The following NAV3 variants were observed in gnomAD, a reference collection of about 807,000 sequenced individuals.
NAV3 encodes pore membrane and/or filament interacting like protein 1.
NAV3 carries 87 observed loss-of-function variants against 244.7 expected under a neutral mutation model. That is an observed-to-expected ratio of 0.36 (90% CI 0.30 to 0.42). The LOEUF (loss-of-function observed/expected upper bound fraction) is 0.42, where lower values mean the gene tolerates loss of function less well. NAV3 is among the 20% of genes least tolerant of loss of function. The pLI is 1.00. For synonymous variants in NAV3, 1,126 were observed against 1,042.2 expected (o/e 1.08, Z -1.55); for missense variants, 2,663 against 2,893.3 (o/e 0.92, Z 1.83).
At chr12:78,143,581 C>T (rs1475014870) in intron 20 of NAV3, among the ~76,000 whole-genome samples, 19 of 139,410 alleles carry the variant, frequency 1.4e-4, no homozygotes, top group Admixed American at 1.6e-4. Context: ...CTGCAGTGAG[C>T]GCCACTGCAC....
intron 20 of NAV3, among the ~76,000 whole-genome samples, chr12:78,144,795 A>C (rs957895368): frequency 6.6e-6 from 1 of 151,584 alleles, no homozygotes; most frequent in African/African-American, 2.4e-5. Flanking sequence ...TAGGAAGCCT[A>C]GAAGCAGAAT....
intron 12 of NAV3, among the ~76,000 whole-genome samples, chr12:78,109,108 G>T (rs1189427032): frequency 6.6e-6 from 1 of 151,740 alleles, no homozygotes; most frequent in African/African-American, 2.4e-5. Context: ...AATCAAAAAC[G>T]ATAAAGGAGA....
chr12:77,778,440 G>A (rs1420080661), intron 2 of NAV3, among the ~76,000 whole-genome samples: 1 of 151,166 alleles, frequency 6.6e-6, no homozygotes, highest in Non-Finnish European at 1.5e-5. Flanking sequence ...GTGAAACCCC[G>A]TCTCTACTAA....
intron 5 of NAV3, among the ~76,000 whole-genome samples, chr12:77,978,655 A>T (rs1868950343): frequency 6.6e-6 from 1 of 151,978 alleles, no homozygotes; most frequent in Non-Finnish European, 1.5e-5. Context: ...CCTCATCTCA[A>T]TTTTTTGAGG....
chr12:77,617,675 G>T (rs1871195240), intron 2 of NAV3, among the ~76,000 whole-genome samples: 2 of 152,264 alleles, frequency 1.3e-5, no homozygotes, highest in South Asian at 4.1e-4. Flanking sequence ...GCTTTTAAGG[G>T]TATGGTGGAG....
intron 22 of NAV3, among the ~76,000 whole-genome samples, chr12:78,150,154 A>G (rs1326533834): frequency 6.6e-6 from 1 of 152,090 alleles, no homozygotes; most frequent in Non-Finnish European, 1.5e-5. Context: ...ACATGTATAG[A>G]AGTATGAAAT....
At chr12:78,130,437 T>A in intron 18 of NAV3, 2 of 218,344 alleles carry the variant, frequency 9.2e-6, no homozygotes, top group Middle Eastern at 1.2e-3. Context: ...TGCTCGGGAA[T>A]CCCCTGCTTT....
At chr12:77,833,802 A>C (rs1213823484) in intron 1 of NAV3, among the ~76,000 whole-genome samples, 1 of 152,120 alleles carries the variant, frequency 6.6e-6, no homozygotes, top group Non-Finnish European at 1.5e-5. Context: ...GGGAGCCATA[A>C]GGCGGAAAGG....
At chr12:78,096,308 T>A (rs927352076) in intron 12 of NAV3, among the ~76,000 whole-genome samples, 1 of 152,190 alleles carries the variant, frequency 6.6e-6, no homozygotes, top group Admixed American at 6.5e-5. Context: ...CAAGGCTTTA[T>A]ATCATTCATT....
intron 2 of NAV3, among the ~76,000 whole-genome samples, chr12:77,738,261 A>G (rs1868260758): frequency 6.6e-6 from 1 of 152,172 alleles, no homozygotes; most frequent in African/African-American, 2.4e-5. Context: ...AAATTTAATT[A>G]ATCAGTTAGT....
At chr12:77,673,083 G>A (rs919200559) in intron 2 of NAV3, among the ~76,000 whole-genome samples, 2 of 152,068 alleles carry the variant, frequency 1.3e-5, no homozygotes, top group African/African-American at 2.4e-5. Flanking sequence ...GTAATCAAGT[G>A]TATTTTGCTA....
At chr12:77,876,438 C>T (rs752398858) in intron 1 of NAV3, among the ~76,000 whole-genome samples, 16 of 152,142 alleles carry the variant, frequency 1.1e-4, no homozygotes, top group East Asian at 3.9e-4. Context: ...TGTTTCTTCA[C>T]GAATCAGTTC....
chr12:77,967,402 A>G (rs980834467), intron 4 of NAV3, among the ~76,000 whole-genome samples: 6 of 152,270 alleles, frequency 3.9e-5, no homozygotes, highest in Middle Eastern at 3.4e-3. Context: ...CAACTCTTCA[A>G]TATGACGAAA....
intron 2 of NAV3, among the ~76,000 whole-genome samples, chr12:77,762,596 C>T (rs569498101): frequency 5.3e-5 from 8 of 151,342 alleles, no homozygotes; most frequent in Middle Eastern, 3.4e-3. Flanking sequence ...AGTGAGACTC[C>T]GCCTCAAAAA....
intron 1 of NAV3, among the ~76,000 whole-genome samples, chr12:77,895,351 G>A (rs1305575740): frequency 6.9e-6 from 1 of 145,548 alleles, no homozygotes; most frequent in Non-Finnish European, 1.5e-5. Flanking sequence ...ATTTTGTGGG[G>A]AGGAGGAAGG....
At chr12:77,951,628 A>C (rs1435386063) in intron 3 of NAV3, among the ~76,000 whole-genome samples, 1 of 152,172 alleles carries the variant, frequency 6.6e-6, no homozygotes, top group Non-Finnish European at 1.5e-5. Flanking sequence ...ACGTATGTTC[A>C]TTGCGGCACT....
At chr12:78,208,106 T>C (rs1462657894) in intron 39 of NAV3, among the ~76,000 whole-genome samples, 1 of 152,162 alleles carries the variant, frequency 6.6e-6, no homozygotes, top group African/African-American at 2.4e-5. Context: ...TTGAAAAGTC[T>C]AGGATTGGGC....
At chr12:78,145,097 A>C (rs1489787111) in intron 20 of NAV3, 3 of 304,522 alleles carry the variant, frequency 9.9e-6, no homozygotes, top group African/African-American at 6.9e-5. Flanking sequence ...TCAAAAACCA[A>C]ACTGTGTATA....
rs569697620 is a variant in NAV3 at position 77,992,382 on chromosome 12, T to G, written c.672-2421T>G. On this transcript the variant is annotated intron_variant, in intron 5 of 39. Coordinates refer to ENST00000397909, the MANE Select transcript of NAV3 (RefSeq NM_001024383.2). Reference sequence around the variant, plus strand: ...ATATTTAATTAGTATGACTAGGTATTGATTTCTCCTCTGTAATAATTGAAA... The same window carrying G: ...ATATTTAATTAGTATGACTAGGTATGGATTTCTCCTCTGTAATAATTGAAA... 5.3e-5 allele frequency among the ~76,000 whole-genome samples: 8 copies of G among 152,352 alleles called. No individual in the cohort carries two copies. In the East Asian group the frequency reaches 1.3e-3, roughly 26 times the overall value.
Sources: allele counts gnomAD v4.1 joint callset (sites outside exome capture counted in the v4.1 genomes callset), GRCh38; gene constraint gnomAD v4.1.1; transcripts MANE v1.5; gene names NCBI Gene and HGNC (gene_info 2026-07-23, HGNC 2026-07-21).